The following XKR4 variants were observed in gnomAD, a reference collection of about 807,000 sequenced individuals.
The protein encoded by XKR4 is XK related 4.
XKR4 carries 12 observed loss-of-function variants against 53.9 expected under a neutral mutation model. The ratio of observed to expected loss-of-function variants is 0.22; its 90% CI spans 0.14 to 0.36. The LOEUF (loss-of-function observed/expected upper bound fraction) is 0.36. Among genes scored for constraint, XKR4 ranks in the 10% least tolerant of loss-of-function variants. XKR4 has a pLI of 1.00. For synonymous variants in XKR4, 354 were observed against 362.4 expected, an observed-to-expected ratio of 0.98 and a Z score of 0.26; for missense variants, 799 against 859.5, an observed-to-expected ratio of 0.93 and a Z score of 0.88.
chr8:55,460,601 T>C (rs577034441), intron 2 of XKR4, among the ~76,000 whole-genome samples: 8 of 152,182 alleles, frequency 5.3e-5, no homozygotes, highest in South Asian at 4.1e-4. Flanking sequence ...AGGTATCGGG[T>C]TCATCTCACT....
chr8:55,240,914 G>C (rs954712883), intron 1 of XKR4, among the ~76,000 whole-genome samples: 2 of 152,168 alleles, frequency 1.3e-5, no homozygotes, highest in Non-Finnish European at 2.9e-5. Context: ...TGGTTTGTAG[G>C]AAAGGTAAGG....
chr8:55,285,159 C>CT (rs993843307), intron 1 of XKR4, among the ~76,000 whole-genome samples: 19 of 152,194 alleles, frequency 1.2e-4, no homozygotes, highest in Admixed American at 1.2e-3. Flanking sequence ...AACAAATCTA[C>CT]TTTTTCTCAA....
At chr8:55,127,214 T>C (rs1446981190) in intron 1 of XKR4, among the ~76,000 whole-genome samples, 1 of 151,246 alleles carries the variant, frequency 6.6e-6, no homozygotes, top group African/African-American at 2.4e-5. Context: ...TATCATTTGC[T>C]ATCATTTAAG....
intron 2 of XKR4, among the ~76,000 whole-genome samples, chr8:55,405,485 C>T (rs528760668): frequency 6.6e-6 from 1 of 152,318 alleles, no homozygotes; most frequent in East Asian, 1.9e-4. Context: ...AGGTCAATCA[C>T]CTCTTGGCTT....
intron 1 of XKR4, among the ~76,000 whole-genome samples, chr8:55,353,191 T>C (rs1803749783): frequency 6.6e-6 from 1 of 152,186 alleles, no homozygotes; most frequent in Non-Finnish European, 1.5e-5. Context: ...GTGTCCTCCC[T>C]TACAGATACT....
intron 1 of XKR4, among the ~76,000 whole-genome samples, chr8:55,198,810 A>G (rs1026417369): frequency 6.6e-6 from 1 of 152,174 alleles, no homozygotes; most frequent in African/African-American, 2.4e-5. Flanking sequence ...CTTTTATGAC[A>G]TTAGGACAAG....
At chr8:55,255,028 G>A (rs1214406624) in intron 1 of XKR4, among the ~76,000 whole-genome samples, 1 of 152,142 alleles carries the variant, frequency 6.6e-6, no homozygotes, top group Non-Finnish European at 1.5e-5. Context: ...CCGAATTTAA[G>A]CTAAAGCCAA....
intron 1 of XKR4, among the ~76,000 whole-genome samples, chr8:55,175,917 ATTG>A: frequency 6.6e-6 from 1 of 152,312 alleles, no homozygotes; most frequent in African/African-American, 2.4e-5. Flanking sequence ...CAGACTAGTT[ATTG>A]TTGTTAGAAG....
At chr8:55,508,725 A>AGGT (rs1456762484) in intron 2 of XKR4, among the ~76,000 whole-genome samples, 2 of 152,246 alleles carry the variant, frequency 1.3e-5, no homozygotes, top group Non-Finnish European at 2.9e-5. Context: ...GGGCAACCCA[A>AGGT]GGTGGGCATT....
At chr8:55,399,603 A>G (rs1457492878) in intron 2 of XKR4, among the ~76,000 whole-genome samples, 1 of 152,218 alleles carries the variant, frequency 6.6e-6, no homozygotes, top group Non-Finnish European at 1.5e-5. Context: ...GAATAAGGGC[A>G]CAGACAGGAA....
At chr8:55,242,205 G>A (rs556262718) in intron 1 of XKR4, among the ~76,000 whole-genome samples, 1 of 152,164 alleles carries the variant, frequency 6.6e-6, no homozygotes, top group Admixed American at 6.5e-5. Flanking sequence ...CAAAAGCTTT[G>A]TTCTTGTCCT....
intron 2 of XKR4, among the ~76,000 whole-genome samples, chr8:55,418,940 G>A (rs907687335): frequency 6.7e-6 from 1 of 150,170 alleles, no homozygotes; most frequent in African/African-American, 2.5e-5. Flanking sequence ...CCATACTTTT[G>A]TTCTTTAGAT....
At chr8:55,296,461 C>A (rs1819102479) in intron 1 of XKR4, among the ~76,000 whole-genome samples, 1 of 152,220 alleles carries the variant, frequency 6.6e-6, no homozygotes, top group East Asian at 1.9e-4. Context: ...AGATTCTGAA[C>A]AAGTAATTTA....
chr8:55,276,436 C>T (rs11786269), intron 1 of XKR4, among the ~76,000 whole-genome samples: 55,264 of 152,104 alleles, frequency 0.36, 12,128 homozygotes, highest in Non-Finnish European at 0.49. Context: ...ACAACAATAG[C>T]GATAACCACT....
At chr8:55,453,403 C>T (rs1238816614) in intron 2 of XKR4, 1 of 427,502 alleles carries the variant, frequency 2.3e-6, no homozygotes, top group East Asian at 6.9e-5. Context: ...CAGCTCACCA[C>T]TTCAGGGCCC....
At chr8:55,132,106 A>G (rs1180195072) in intron 1 of XKR4, among the ~76,000 whole-genome samples, 1 of 152,196 alleles carries the variant, frequency 6.6e-6, no homozygotes, top group East Asian at 1.9e-4. Context: ...AGAGTTTGGG[A>G]ACATGGCCTG....
chr8:55,503,804 C>A (rs987404291), intron 2 of XKR4, among the ~76,000 whole-genome samples: 1 of 152,094 alleles, frequency 6.6e-6, no homozygotes, highest in Admixed American at 6.5e-5. Flanking sequence ...AGCTTTCAGT[C>A]TTTTACCATC....
chr8:55,251,565 GTAGC>G (rs1324069509), intron 1 of XKR4, among the ~76,000 whole-genome samples: 1 of 152,186 alleles, frequency 6.6e-6, no homozygotes, highest in Non-Finnish European at 1.5e-5. Flanking sequence ...AAAATAGTAA[GTAGC>G]TATTTCCTAT....
intron 2 of XKR4, among the ~76,000 whole-genome samples, chr8:55,494,423 C>T (rs79609178): frequency 6.6e-6 from 1 of 152,242 alleles, no homozygotes; most frequent in Non-Finnish European, 1.5e-5. Flanking sequence ...TGTTTCAGCC[C>T]TGTTTGTGTT....
Sources: allele counts gnomAD v4.1 joint callset (sites outside exome capture counted in the v4.1 genomes callset), GRCh38; gene constraint gnomAD v4.1.1; transcripts MANE v1.5; gene names NCBI Gene and HGNC (gene_info 2026-07-23, HGNC 2026-07-21).